Variants in EPHA6 observed in about 807,000 individuals in gnomAD.
EPHA6 encodes EPH receptor A6.
EPHA6 carries 50 observed loss-of-function variants against 112.0 expected under a neutral mutation model. The ratio of observed to expected loss-of-function variants is 0.45; its 90% confidence interval spans 0.36 to 0.56. The LOEUF (loss-of-function observed/expected upper bound fraction) is 0.56. Among genes scored for constraint, EPHA6 ranks in the 20% least tolerant of loss-of-function variants. EPHA6 has a pLI of 0.00. For missense variants in EPHA6, 1,280 were observed against 1,417.4 expected (o/e 0.90, Z 1.56); for synonymous variants, 529 against 490.7 (o/e 1.08, Z -1.03).
At chr3:96,994,473 G>A (rs1201117194) in intron 3 of EPHA6, among the ~76,000 whole-genome samples, 1 of 151,874 alleles carries the variant, frequency 6.6e-6, no homozygotes, top group South Asian at 2.1e-4. Flanking sequence ...CAGTTTATAT[G>A]TCTAGGACTA....
rs1032308986 is a variant in EPHA6, at chr3:97,415,398, G to A, written c.1731+10124G>A. Among the ~76,000 whole-genome samples the A allele has an allele frequency of 2.0e-5, 3 of 152,048 alleles. No homozygotes were observed. The South Asian group carries it at 6.2e-4, about 31-fold the overall frequency. ...GTAATTCTGTCTTATCTATTCATTG[G>A]ACACCTTGAAGCTGGTAAAATTTTC... is the stretch of plus-strand genomic sequence containing the variant. On this transcript the variant is annotated intron_variant, in intron 6 of 17. Transcript: ENST00000389672.
chr3:97,358,269 G>T (rs1466201796), intron 5 of EPHA6, among the ~76,000 whole-genome samples: 1 of 150,764 alleles, frequency 6.6e-6, no homozygotes, highest in Non-Finnish European at 1.5e-5. Context: ...GTTATTATGG[G>T]CATTACATCT....
At position 97,100,345 on chromosome 3, in the gene EPHA6, A is replaced by G. The variant is rs1576487837; in HGVS notation, c.1114+112352A>G. 4.6e-5 allele frequency among the ~76,000 whole-genome samples: 7 copies of G among 151,620 alleles called. 2 individuals are homozygous for G. The highest frequency in any genetic ancestry group is 1.4e-4 in the African/African-American group (6 of 41,436). On this transcript the variant is annotated intron_variant, in intron 3 of 17. Transcript: ENST00000389672. ...AGATCAGTTTTTAATGCAATACTAT[A>G]TATTTCTTTCTGATTATCAGGCAGA...
At chr3:97,627,696 A>G (rs1040347046) in intron 13 of EPHA6, among the ~76,000 whole-genome samples, 7 of 151,930 alleles carry the variant, frequency 4.6e-5, no homozygotes, top group Non-Finnish European at 8.8e-5. Flanking sequence ...CACTATGGCT[A>G]GAGAAGATTA....
At chr3:96,863,902 G>A (rs370727750) in intron 1 of EPHA6, among the ~76,000 whole-genome samples, 3 of 152,154 alleles carry the variant, frequency 2.0e-5, no homozygotes, top group South Asian at 4.1e-4. Flanking sequence ...GGTTGTACCA[G>A]TGAATTTTCT....
At chr3:97,481,200 T>A (rs2091533519) in intron 9 of EPHA6, 1 of 1,150,074 alleles carries the variant, frequency 8.7e-7, no homozygotes, top group Non-Finnish European at 1.3e-6. Flanking sequence ...CATGAAGTAC[T>A]GGAAAAGACA....
intron 2 of EPHA6, among the ~76,000 whole-genome samples, chr3:96,984,073 C>A (rs1308944644): frequency 2.0e-5 from 3 of 152,216 alleles, no homozygotes; most frequent in African/African-American, 7.2e-5. Flanking sequence ...ATTCTCCGTC[C>A]AGCTTTTTTC....
chr3:97,384,575 T>A (rs1327702031), intron 5 of EPHA6, among the ~76,000 whole-genome samples: 1 of 152,340 alleles, frequency 6.6e-6, no homozygotes, highest in East Asian at 1.9e-4. Context: ...CCTCCTGACA[T>A]GTGCCAACAT....
chr3:97,421,289 T>G (rs1012064370), intron 6 of EPHA6, among the ~76,000 whole-genome samples: 1 of 152,156 alleles, frequency 6.6e-6, no homozygotes. Context: ...TTCCCGAATG[T>G]ACATTCAGAT....
At chr3:97,126,855 A>G (rs2048195304) in intron 3 of EPHA6, among the ~76,000 whole-genome samples, 1 of 151,820 alleles carries the variant, frequency 6.6e-6, no homozygotes. Flanking sequence ...CAGTAAGAGC[A>G]TAAAGAAGAT....
chr3:97,671,534 C>CATATTCAAT lies in EPHA6; in HGVS notation c.2784+33453_2784+33461dup, dbSNP rs1560252101. ...GTTGGAAAATATGGGTTTGTGAGAG[C>CATATTCAAT]ATATTCAATTAGATTATGCAAATAG... is the stretch of plus-strand genomic sequence containing the variant. On this transcript the variant is annotated intron_variant, in intron 14 of 17. Transcript: ENST00000389672. Among the ~76,000 whole-genome samples, 5 of 152,208 alleles carry CATATTCAAT rather than the reference C, an allele frequency of 3.3e-5. No individual in the cohort carries two copies. In the South Asian group the frequency reaches 8.3e-4, roughly 25 times the overall value.
intron 11 of EPHA6, among the ~76,000 whole-genome samples, chr3:97,573,485 T>G (rs1057442684): frequency 1.3e-5 from 2 of 152,170 alleles, no homozygotes; most frequent in Admixed American, 6.5e-5. Context: ...TGGTATACAA[T>G]GATCAGTTCC....
intron 5 of EPHA6, among the ~76,000 whole-genome samples, chr3:97,331,871 A>G (rs2082816455): frequency 6.6e-6 from 1 of 152,202 alleles, no homozygotes. Flanking sequence ...TATTCTAATC[A>G]ATAGAAAAAG....
intron 3 of EPHA6, among the ~76,000 whole-genome samples, chr3:97,187,733 G>GAAAT (rs774182667): frequency 6.8e-6 from 1 of 147,642 alleles, no homozygotes; most frequent in Non-Finnish European, 1.5e-5. Flanking sequence ...AAGAAAGAAA[G>GAAAT]AAAGAAAGAA....
intron 5 of EPHA6, among the ~76,000 whole-genome samples, chr3:97,307,331 T>C (rs1576905392): frequency 6.6e-6 from 1 of 151,730 alleles, no homozygotes; most frequent in Non-Finnish European, 1.5e-5. Flanking sequence ...AATTCTAATC[T>C]CACCACTAGT....
At chr3:97,218,460 C>A (rs1182573334) in intron 3 of EPHA6, among the ~76,000 whole-genome samples, 1 of 152,010 alleles carries the variant, frequency 6.6e-6, no homozygotes, top group Non-Finnish European at 1.5e-5. Flanking sequence ...GGAAGCAAGG[C>A]ACCTTTTTCA....
intron 14 of EPHA6, among the ~76,000 whole-genome samples, chr3:97,652,300 C>T (rs1045533677): frequency 1.3e-5 from 2 of 151,986 alleles, no homozygotes; most frequent in East Asian, 1.9e-4. Flanking sequence ...AAAAGCTTCA[C>T]ATCAATGGCA....
intron 6 of EPHA6, among the ~76,000 whole-genome samples, chr3:97,408,957 G>A (rs983883155): frequency 6.6e-6 from 1 of 152,078 alleles, no homozygotes; most frequent in Non-Finnish European, 1.5e-5. Flanking sequence ...CTGAAGAAAA[G>A]AATTGATTTC....
intron 7 of EPHA6, among the ~76,000 whole-genome samples, chr3:97,457,769 TAAG>T (rs1235947303): frequency 6.6e-6 from 1 of 151,914 alleles, no homozygotes; most frequent in African/African-American, 2.4e-5. Context: ...TATGAAGAAT[TAAG>T]AAGCAGCTTA....
Sources: allele counts gnomAD v4.1 joint callset (sites outside exome capture counted in the v4.1 genomes callset), GRCh38; gene constraint gnomAD v4.1.1; transcripts MANE v1.5; gene names NCBI Gene and HGNC (gene_info 2026-07-23, HGNC 2026-07-21).